CWF19L2: variants seen among roughly 807,000 people sequenced by gnomAD.
CWF19L2 encodes CWF19-like protein 2.
In CWF19L2, 98 loss-of-function variants were observed where a neutral mutation model predicts 111.7. The observed-to-expected ratio is 0.88, with a 90% CI of 0.75 to 1.04. The LOEUF is 1.04. Among genes scored for constraint, CWF19L2 ranks in the 50% least tolerant of loss-of-function variants. CWF19L2 has a pLI of 0.00. For synonymous variants in CWF19L2, 351 were observed against 342.9 expected (o/e 1.02, Z -0.26); for missense variants, 1,101 against 1,051.4 (o/e 1.05, Z -0.65).
At chr11:107,382,993 T>G (rs182807148) in intron 12 of CWF19L2, among the ~76,000 whole-genome samples, 4 of 152,372 alleles carry the variant, frequency 2.6e-5, no homozygotes, top group African/African-American at 9.6e-5. Flanking sequence ...TAGAGGTTCC[T>G]GGAGGGTGGC....
chr11:107,429,601 G>A (rs1861435187), intron 7 of CWF19L2, 150 bp from the exon 8 acceptor site: 6 of 544,458 alleles, frequency 1.1e-5, no homozygotes, highest in African/African-American at 1.9e-5. Flanking sequence ...CATCCTATAC[G>A]GAAACGAATA....
intron 10 of CWF19L2, among the ~76,000 whole-genome samples, chr11:107,405,374 T>C (rs1447374597): frequency 6.6e-6 from 1 of 152,172 alleles, no homozygotes; most frequent in African/African-American, 2.4e-5. Context: ...ATAAAACTAA[T>C]TCAAAATCAC....
intron 10 of CWF19L2, among the ~76,000 whole-genome samples, chr11:107,398,854 G>A (rs903274922): frequency 1.3e-5 from 2 of 152,144 alleles, no homozygotes; most frequent in African/African-American, 2.4e-5. Context: ...AACCCTATAA[G>A]CTAGAAGGGA....
chr11:107,432,741 T>A (rs994734209), intron 7 of CWF19L2, among the ~76,000 whole-genome samples: 1 of 152,254 alleles, frequency 6.6e-6, no homozygotes, highest in Non-Finnish European at 1.5e-5. Flanking sequence ...GATTTGCTCA[T>A]TCTTTCTGTA....
intron 10 of CWF19L2, among the ~76,000 whole-genome samples, chr11:107,394,088 A>T (rs903245308): frequency 2.0e-5 from 3 of 152,204 alleles, no homozygotes; most frequent in Non-Finnish European, 2.9e-5. Context: ...TTGAAACAAG[A>T]CCAAGCAAAA....
At chr11:107,447,606 G>A (rs4754222) in intron 3 of CWF19L2, among the ~76,000 whole-genome samples, 86,250 of 152,044 alleles carry the variant, frequency 0.57, 25,923 homozygotes, top group African/African-American at 0.79. Context: ...GCTATTCTAG[G>A]TGCATACGAA....
chr11:107,437,494 G>C (rs1222813339), intron 6 of CWF19L2, among the ~76,000 whole-genome samples: 2 of 152,130 alleles, frequency 1.3e-5, no homozygotes, highest in African/African-American at 4.8e-5. Context: ...ATCTACATAT[G>C]CAGTAAAACC....
chr11:107,423,740 T>C (rs1299789144), intron 8 of CWF19L2, among the ~76,000 whole-genome samples: 1 of 151,936 alleles, frequency 6.6e-6, no homozygotes, highest in African/African-American at 2.4e-5. Context: ...TAATCTCCTA[T>C]TGAGCTCCAT....
chr11:107,440,984 GGATTGTGT>G (rs1471606168), intron 5 of CWF19L2, among the ~76,000 whole-genome samples: 5 of 152,260 alleles, frequency 3.3e-5, no homozygotes, highest in East Asian at 3.9e-4. Flanking sequence ...CAGATTACCA[GGATTGTGT>G]GATGCCCCTA....
At position 107,373,698 on chromosome 11, in the gene CWF19L2, T is replaced by A. The variant is rs1188433874; in HGVS notation, c.1872+16376A>T. Among the ~76,000 whole-genome samples the A allele has an allele frequency of 9.4e-4, 125 of 132,424 alleles. 14 individuals are homozygous for A. The highest frequency in any genetic ancestry group is 1.8e-3 in the Non-Finnish European group (109 of 61,834). The allele number at this position is 132,424 out of a possible 152,430, so 86.9% of individuals were successfully genotyped here. A position where few individuals can be genotyped will look rare whatever the true frequency, so the allele number is the denominator to read the frequency against. On this transcript the variant is annotated intron_variant, in intron 12 of 17. Transcript: ENST00000282251. ...AACAGAACAGAAAAACTGGAAACTC[T>A]AAAAAGCAGAGCGCCTCTCCTCCTC...
At chr11:107,437,371 G>C in intron 6 of CWF19L2, among the ~76,000 whole-genome samples, 1 of 152,100 alleles carries the variant, frequency 6.6e-6, no homozygotes, top group East Asian at 1.9e-4. Flanking sequence ...CCAAAGTCTA[G>C]TCCTTTAACA....
At chr11:107,358,124 A>G (rs1380383543) in intron 12 of CWF19L2, among the ~76,000 whole-genome samples, 1 of 152,158 alleles carries the variant, frequency 6.6e-6, no homozygotes, top group Non-Finnish European at 1.5e-5. Flanking sequence ...TAAAATAAGA[A>G]CCCTCACACA....
rs573409206 is a variant in CWF19L2, at chr11:107,457,736, A to G, written c.81T>C (p.Asn27=). The G allele has an allele frequency of 3.2e-6, 5 of 1,551,700 alleles. No homozygotes were observed. The highest frequency in any genetic ancestry group is 2.7e-5 in the African/African-American group (2 of 73,186). Residue 27 remains asparagine (N), a synonymous_variant, in exon 1 of 18, where the codon AAT becomes AAC. Coordinates refer to ENST00000282251, the MANE Select transcript of CWF19L2 (RefSeq NM_152434.3). ...SIEERKEQTR[N]ARAEVLRQAK... Reference sequence around the variant, plus strand: ...CCTGGCGCAACACCTCGGCCCTGGCATTCCGGGTCTGTTCTTTCCGCTCTT... The same window carrying G: ...CCTGGCGCAACACCTCGGCCCTGGCGTTCCGGGTCTGTTCTTTCCGCTCTT...
intron 12 of CWF19L2, among the ~76,000 whole-genome samples, chr11:107,383,058 G>A (rs556714719): frequency 2.7e-4 from 41 of 152,332 alleles, no homozygotes; most frequent in Non-Finnish European, 2.9e-4. Context: ...CGCCCTACGC[G>A]TCTCTTCACC....
At chr11:107,455,423 G>A (rs1861840041) in intron 2 of CWF19L2, among the ~76,000 whole-genome samples, 1 of 152,020 alleles carries the variant, frequency 6.6e-6, no homozygotes, top group Admixed American at 6.5e-5. Flanking sequence ...GCTATAGTGG[G>A]CCAGAAATTT....
At chr11:107,371,660 C>T (rs1305000590) in intron 12 of CWF19L2, among the ~76,000 whole-genome samples, 2 of 137,484 alleles carry the variant, frequency 1.5e-5, no homozygotes, top group African/African-American at 5.8e-5. Context: ...ATATTCAATT[C>T]TTGATTCTGT....
chr11:107,412,092 A>G (rs879788019), intron 10 of CWF19L2, among the ~76,000 whole-genome samples: 4 of 152,296 alleles, frequency 2.6e-5, no homozygotes, highest in Non-Finnish European at 2.9e-5. Flanking sequence ...AATCAAAGGG[A>G]AAAAAATGTG....
At chr11:107,416,175 A>G in intron 10 of CWF19L2, 34 bp downstream of exon 10, 1 of 670,248 alleles carries the variant, frequency 1.5e-6, no homozygotes, top group Non-Finnish European at 2.3e-6. Context: ...AGTTTACACA[A>G]GGTAATTACA....
intron 12 of CWF19L2, among the ~76,000 whole-genome samples, chr11:107,379,604 C>T (rs572821956): frequency 2.0e-5 from 3 of 152,252 alleles, no homozygotes; most frequent in African/African-American, 7.2e-5. Context: ...CAAATTCAAG[C>T]CTGGTTACAG....
Sources: allele counts gnomAD v4.1 joint callset (sites outside exome capture counted in the v4.1 genomes callset), GRCh38; gene constraint gnomAD v4.1.1; transcripts MANE v1.5; gene names NCBI Gene and HGNC (gene_info 2026-07-23, HGNC 2026-07-21).